Variants in ERCC5 observed in about 807,000 individuals in gnomAD.
ERCC5 encodes ERCC excision repair 5, endonuclease.
A neutral mutation model predicts 105.6 loss-of-function variants in ERCC5; 68 were observed. The ratio of observed to expected loss-of-function variants is 0.64; its 90% confidence interval spans 0.53 to 0.79. ERCC5 has a LOEUF of 0.79. Among genes scored for constraint, ERCC5 ranks in the 30% least tolerant of loss-of-function variants. ERCC5 has a pLI of 0.00. For missense variants in ERCC5, 1,373 were observed against 1,426.7 expected, an observed-to-expected ratio of 0.96 and a Z score of 0.61; for synonymous variants, 546 against 526.2, an observed-to-expected ratio of 1.04 and a Z score of -0.51.
chr13:102,872,887 T>A (rs1268766498), intron 13 of ERCC5, among the ~76,000 whole-genome samples: 1 of 152,258 alleles, frequency 6.6e-6, no homozygotes, highest in Non-Finnish European at 1.5e-5. Flanking sequence ...TAAGTAATCA[T>A]TTGGATAGAT....
In ERCC5 at chr13:102,862,513, A is replaced by G; in HGVS notation, c.1364A>G (p.Glu455Gly). The G allele has an allele frequency of 6.2e-7, 1 of 1,614,222 alleles. No homozygotes were observed. Residue 455 changes from glutamate to glycine, a missense_variant, in exon 8 of 15, where the codon GAG becomes GGG. This residue lies in a region of ERCC5 where 1,004 missense variants were observed against 1,059.7 expected (regional missense o/e 0.95). Coordinates refer to ENST00000652225, the MANE Select transcript of ERCC5 (RefSeq NM_000123.4). ...GCGTCATCTAGTGTGAACTCTGCAG[A>G]GGAGCACGTAGCCAGCACTAATGAG... ...TLASSSVNSA[E>G]EHVASTNEGR...
rs777455688 is a variant in ERCC5, at chr13:102,866,738, AT to A, written c.2427del (p.Asp809GlufsTer24). On this transcript the variant is annotated frameshift_variant, in exon 11 of 15. Transcript: ENST00000652225. LOFTEE classifies it high-confidence loss of function. ...GATCAGACTTCCGGAACCATCACTG[AT>A]GACAGTGATATCTGGCTGTTTGGAG... Reference protein sequence around the residue: ...LTDQTSGTITDDSDIWLFGAR... With the variant: ...LTDQTSGTITXDSDIWLFGAR... The A allele has an allele frequency of 1.9e-6, 3 of 1,614,260 alleles. No individual in the cohort carries two copies. Among genetic ancestry groups the A allele is most frequent in the Middle Eastern group, 1.6e-4 (1 of 6,062 alleles).
chr13:102,856,297 G>A (rs1238835497), intron 5 of ERCC5, among the ~76,000 whole-genome samples, 185 bp downstream of exon 5: 1 of 150,118 alleles, frequency 6.7e-6, no homozygotes, highest in East Asian at 2.0e-4. Flanking sequence ...CTACACACGT[G>A]TATATATATA....
At chr13:102,866,217 T>C in intron 9 of ERCC5, 45 bp from the exon 10 acceptor site, 1 of 1,607,762 alleles carries the variant, frequency 6.2e-7, no homozygotes, top group South Asian at 1.1e-5. Context: ...ACAAAACTCA[T>C]TTGGATTATT....
intron 14 of ERCC5, 114 bp downstream of exon 14, chr13:102,873,457 A>C (rs1167348134): frequency 8.4e-7 from 1 of 1,188,152 alleles, no homozygotes; most frequent in East Asian, 2.4e-5. Flanking sequence ...TTTTGAAATT[A>C]GGATAATTTA....
chr13:102,865,787 A>T lies in ERCC5; in HGVS notation c.2075A>T (p.Glu692Val), dbSNP rs756846663. The change falls in exon 9 of 15, where the codon GAA becomes GTA. Residue 692 changes from glutamate to valine, a missense_variant. Transcript: ENST00000652225. This position sits in a 1 kb window ranked among gnomAD's most constrained non-coding sequence, Gnocchi z 4.0. ...GAACTGGTAGGAACTAGGGAGGGAG[A>T]AGCCCCTGCTGAGTCCGAGAGCCTC... ...EEELVGTREG[E>V]APAESESLLR... 1 of 1,614,176 alleles carries T rather than the reference A, an allele frequency of 6.2e-7. No homozygotes were observed. Among genetic ancestry groups the T allele is most frequent in the South Asian group, 1.1e-5 (1 of 91,084 alleles).
At position 102,862,241 on chromosome 13, in the gene ERCC5, A is replaced by T. The variant is rs781252657; in HGVS notation, c.1092A>T (p.Glu364Asp). 2 of 1,614,176 alleles carry T rather than the reference A, an allele frequency of 1.2e-6. No individual in the cohort carries two copies. Among genetic ancestry groups the T allele is most frequent in the South Asian group, 2.2e-5 (2 of 91,082 alleles). Residue 364 changes from glutamate (E) to aspartate (D), a missense_variant, in exon 8 of 15, where the codon GAA becomes GAT. By Grantham distance (45) the Glu-to-Asp change is conservative. This residue lies in a region of ERCC5 where 1,004 missense variants were observed against 1,059.7 expected (regional missense o/e 0.95). Coordinates refer to ENST00000652225, the MANE Select transcript of ERCC5 (RefSeq NM_000123.4). ...GCTCAGAAGAGGAGCTGGAGAGTGA[A>T]AATCGAAGGCAGGCCCGTGGGAGGA... The part of the protein sequence containing the change: ...GSSSEEELES[E>D]NRRQARGRNA...
intron 10 of ERCC5, 65 bp from the exon 11 acceptor site, chr13:102,866,567 C>A (rs1011812890): frequency 2.3e-5 from 37 of 1,602,668 alleles, no homozygotes; most frequent in Non-Finnish European, 3.0e-5. Context: ...AGGCACTGCT[C>A]CCCCTGTGCT....
At chr13:102,870,692 C>G (rs576007254) in intron 12 of ERCC5, among the ~76,000 whole-genome samples, 2 of 152,058 alleles carry the variant, frequency 1.3e-5, no homozygotes, top group Non-Finnish European at 2.9e-5. Flanking sequence ...ATTATTTTTT[C>G]CTTTTTGCAT....
Position 102,865,257 on chromosome 13 carries a change from C to T in ERCC5, c.1955-410C>T, listed in dbSNP as rs4150333. The T allele has an allele frequency of 0.017, 3,979 of 238,930 alleles. 120 individuals carry two copies. Among genetic ancestry groups the T allele is most frequent in the African/African-American group, 0.077 (3,324 of 43,100 alleles). 14.8% of individuals were successfully genotyped at this position (238,930 alleles called of 1,614,324 possible). A position where few individuals can be genotyped will look rare whatever the true frequency, so the allele number is the denominator to read the frequency against. On this transcript the variant is annotated intron_variant, in intron 8 of 14. Transcript: ENST00000652225. The surrounding 1 kb of genome is among the most constrained non-coding windows in gnomAD (Gnocchi z 4.0). ...GAGAAGGGAAGTGGAAGAGGAAGAA[C>T]TATTTCTTAGTCACAGCTTTATTCT...
chr13:102,861,820 TTATG>T, intron 7 of ERCC5, 106 bp downstream of exon 7: 1 of 1,439,004 alleles, frequency 6.9e-7, no homozygotes, highest in Non-Finnish European at 9.5e-7. Flanking sequence ...GAAATTCTAT[TTATG>T]TAATAACTGT....
intron 14 of ERCC5, 112 bp downstream of exon 14, chr13:102,873,455 T>TTA: frequency 1.7e-6 from 2 of 1,183,648 alleles, no homozygotes; most frequent in Non-Finnish European, 2.5e-6. Context: ...CATTTTGAAA[T>TTA]TAGGATAATT....
At chr13:102,857,265 C>G (rs183476580) in intron 5 of ERCC5, among the ~76,000 whole-genome samples, 1 of 152,198 alleles carries the variant, frequency 6.6e-6, no homozygotes, top group Non-Finnish European at 1.5e-5. Flanking sequence ...TTAGTTAAGA[C>G]CATGGGCCTC....
chr13:102,872,464 G>A (rs1883067068), intron 13 of ERCC5, 66 bp downstream of exon 13: 1 of 1,579,884 alleles, frequency 6.3e-7, no homozygotes. Flanking sequence ...TAAAACTTAT[G>A]GAAGAGAAAC....
chr13:102,869,574 T>C (rs779730543), intron 12 of ERCC5, among the ~76,000 whole-genome samples: 1 of 152,202 alleles, frequency 6.6e-6, no homozygotes, highest in Non-Finnish European at 1.5e-5. Flanking sequence ...ACCCATTTGG[T>C]ATTAGAACAA....
intron 4 of ERCC5, among the ~76,000 whole-genome samples, chr13:102,855,439 C>T (rs142838192): frequency 9.9e-5 from 15 of 152,092 alleles, no homozygotes; most frequent in South Asian, 2.1e-4. Flanking sequence ...TTAGTAGAGA[C>T]GAGGTTTCAC....
intron 11 of ERCC5, among the ~76,000 whole-genome samples, chr13:102,867,070 G>A (rs988825628): frequency 8.0e-6 from 1 of 124,916 alleles, no homozygotes; most frequent in Non-Finnish European, 1.8e-5. Flanking sequence ...AACTGACTTA[G>A]TTAAACTTTG....
At chr13:102,847,202 G>T (rs1314183832) in intron 1 of ERCC5, among the ~76,000 whole-genome samples, 1 of 151,762 alleles carries the variant, frequency 6.6e-6, no homozygotes, top group Non-Finnish European at 1.5e-5. Flanking sequence ...TACATGTTTG[G>T]CTGGTTTTGT....
In ERCC5 at chr13:102,863,091, A is replaced by G; in HGVS notation, c.1942A>G (p.Ser648Gly). The G allele has an allele frequency of 1.2e-6, 2 of 1,613,726 alleles. No individual in the cohort carries two copies. Among genetic ancestry groups the G allele is most frequent in the Non-Finnish European group, 1.7e-6 (2 of 1,179,986 alleles). Reference protein sequence around the residue: ...VEPMEIDSEESESDGSFIEVQ... With the variant: ...VEPMEIDSEEGESDGSFIEVQ... ...ACCAATGGAAATTGACTCGGAAGAA[A>G]GTGAATCTGATGGTACGTGTCTGTG... Residue 648 changes from serine to glycine, a missense_variant, in exon 8 of 15, where the codon AGT becomes GGT. By Grantham distance (56) the Ser-to-Gly change is moderately conservative (BLOSUM62 0). Transcript: ENST00000652225.
Sources: allele counts gnomAD v4.1 joint callset (sites outside exome capture counted in the v4.1 genomes callset), GRCh38; gene constraint gnomAD v4.1.1; regional missense constraint gnomAD v4.1.1; non-coding constraint Gnocchi (gnomAD v3.1); transcripts MANE v1.5; gene names NCBI Gene and HGNC (gene_info 2026-07-23, HGNC 2026-07-21).